Variants in CAMK1D observed in about 807,000 individuals in gnomAD.
The protein encoded by CAMK1D is calcium/calmodulin-dependent protein kinase type 1D.
Under a neutral mutation model 47.7 loss-of-function variants are expected in CAMK1D, and 9 were observed. The ratio of observed to expected loss-of-function variants is 0.19; its 90% confidence interval spans 0.11 to 0.33. CAMK1D has a LOEUF of 0.33. Ranked by LOEUF, CAMK1D falls within the 10% of genes least tolerant of loss-of-function variation. The pLI is 1.00. For synonymous variants in CAMK1D, 184 were observed against 184.9 expected (o/e 0.99, Z 0.04); for missense variants, 291 against 488.7 (o/e 0.60, Z 3.81).
At chr10:12,771,675 C>T (rs1365230144) in intron 5 of CAMK1D, among the ~76,000 whole-genome samples, 1 of 152,156 alleles carries the variant, frequency 6.6e-6, no homozygotes, top group Non-Finnish European at 1.5e-5. Context: ...CAGGGGGGCT[C>T]AATTCCCTGG....
intron 1 of CAMK1D, among the ~76,000 whole-genome samples, chr10:12,395,762 A>G (rs1838921359): frequency 6.7e-6 from 1 of 150,008 alleles, no homozygotes; most frequent in Non-Finnish European, 1.5e-5. Flanking sequence ...AGCCATCTCT[A>G]TGAAAAATAC....
chr10:12,523,430 G>T (rs1436503351), intron 1 of CAMK1D, among the ~76,000 whole-genome samples: 2 of 152,184 alleles, frequency 1.3e-5, no homozygotes, highest in Admixed American at 6.5e-5. Context: ...CCGAGATCAG[G>T]CCACTGCACT....
chr10:12,351,959 C>T (rs987063196), intron 1 of CAMK1D, among the ~76,000 whole-genome samples: 2 of 152,212 alleles, frequency 1.3e-5, no homozygotes, highest in Non-Finnish European at 2.9e-5. Context: ...TTTTACTCCA[C>T]ATAATAATCA....
intron 2 of CAMK1D, among the ~76,000 whole-genome samples, chr10:12,645,967 G>GT (rs1482993581): frequency 1.1e-4 from 15 of 135,122 alleles, no homozygotes; most frequent in South Asian, 6.0e-4. Flanking sequence ...TAAATGGCTA[G>GT]TTGTTTTTTT....
intron 1 of CAMK1D, among the ~76,000 whole-genome samples, chr10:12,481,085 G>T (rs1834050589): frequency 6.6e-6 from 1 of 152,160 alleles, no homozygotes; most frequent in African/African-American, 2.4e-5. Context: ...AGGTTAGGAG[G>T]ATGAGAGGGG....
chr10:12,719,140 C>G (rs931436487), intron 3 of CAMK1D, among the ~76,000 whole-genome samples: 1 of 152,198 alleles, frequency 6.6e-6, no homozygotes, highest in African/African-American at 2.4e-5. Context: ...GGGCACAGTG[C>G]TCACATCTGT....
At chr10:12,516,198 C>T (rs968719173) in intron 1 of CAMK1D, among the ~76,000 whole-genome samples, 3 of 152,116 alleles carry the variant, frequency 2.0e-5, no homozygotes, top group African/African-American at 7.2e-5. Flanking sequence ...CAAGCTCTGC[C>T]TCCTGGGTTC....
At chr10:12,565,607 A>G (rs754680911) in intron 2 of CAMK1D, among the ~76,000 whole-genome samples, 1 of 152,212 alleles carries the variant, frequency 6.6e-6, no homozygotes, top group Non-Finnish European at 1.5e-5. Flanking sequence ...CTTTTGCTTC[A>G]TTTAGTAAAT....
intron 3 of CAMK1D, among the ~76,000 whole-genome samples, chr10:12,694,195 T>TAA (rs1833112713): frequency 2.4e-4 from 1 of 4,246 alleles, no homozygotes; most frequent in African/African-American, 6.2e-4. Flanking sequence ...ATATAATATA[T>TAA]ATTATATATT....
At chr10:12,660,148 C>T (rs1840235091) in intron 2 of CAMK1D, among the ~76,000 whole-genome samples, 1 of 152,216 alleles carries the variant, frequency 6.6e-6, no homozygotes, top group East Asian at 1.9e-4. Flanking sequence ...TTTGCTTCCT[C>T]TGAATTACCT....
intron 1 of CAMK1D, among the ~76,000 whole-genome samples, chr10:12,438,040 T>C (rs1832684689): frequency 6.6e-6 from 1 of 152,232 alleles, no homozygotes; most frequent in Non-Finnish European, 1.5e-5. Context: ...AAAACCACTT[T>C]GCTTGCATAA....
chr10:12,587,941 AG>A (rs1837870471), intron 2 of CAMK1D, among the ~76,000 whole-genome samples: 1 of 152,080 alleles, frequency 6.6e-6, no homozygotes, highest in Non-Finnish European at 1.5e-5. Context: ...TCTTTTAAAT[AG>A]TGCCTTTCTC....
chr10:12,688,311 A>G (rs959944843), intron 3 of CAMK1D, among the ~76,000 whole-genome samples: 5 of 152,192 alleles, frequency 3.3e-5, no homozygotes, highest in Admixed American at 3.3e-4. Context: ...GAATGACTGA[A>G]TCTTAGTGTC....
At chr10:12,622,306 C>A (rs999831470) in intron 2 of CAMK1D, among the ~76,000 whole-genome samples, 11 of 152,072 alleles carry the variant, frequency 7.2e-5, no homozygotes, top group African/African-American at 1.9e-4. Context: ...GGCTGCCTTC[C>A]CCTGGTCACT....
At chr10:12,631,503 A>G (rs536502836) in intron 2 of CAMK1D, among the ~76,000 whole-genome samples, 36 of 152,212 alleles carry the variant, frequency 2.4e-4, no homozygotes, top group Non-Finnish European at 4.6e-4. Context: ...GGTAAAGTGT[A>G]AAATGTGAGA....
chr10:12,387,364 AAT>A lies in CAMK1D; in HGVS notation c.92+37463_92+37464del, dbSNP rs1220421311. 6.1e-3 allele frequency among the ~76,000 whole-genome samples: 423 copies of A among 69,666 alleles called. 6 individuals are homozygous for A. Among genetic ancestry groups the A allele is most frequent in the African/African-American group, 0.015 (389 of 25,296 alleles). The allele number at this position is 69,666 out of a possible 152,430, so 45.7% of individuals were successfully genotyped here. On this transcript the variant is annotated intron_variant, in intron 1 of 10. Transcript: ENST00000619168. ...TATATATATTATATTTTATATATATAATATATATATTATATATTATATATATT... is the reference window on the plus strand; with the variant it reads ...TATATATATTATATTTTATATATATAATATATATTATATATTATATATATT...
intron 1 of CAMK1D, among the ~76,000 whole-genome samples, chr10:12,362,249 A>C (rs1434086407): frequency 6.0e-5 from 9 of 150,318 alleles, no homozygotes; most frequent in East Asian, 2.0e-4. Context: ...CTAACTCCCT[A>C]CTCCCTCCTC....
At chr10:12,781,917 G>C (rs1411615940) in intron 5 of CAMK1D, among the ~76,000 whole-genome samples, 1 of 151,808 alleles carries the variant, frequency 6.6e-6, no homozygotes, top group Admixed American at 6.6e-5. Flanking sequence ...CAAAGTGCTG[G>C]GATTACAGGC....
At chr10:12,751,058 TA>T (rs1277467435) in intron 3 of CAMK1D, among the ~76,000 whole-genome samples, 1 of 1,366 alleles carries the variant, frequency 7.3e-4, no homozygotes, top group Non-Finnish European at 1.4e-3. Flanking sequence ...CCCAATAAGA[TA>T]AGATAAGATA....
Sources: gnomAD v4.1 joint callset for allele counts (sites outside exome capture counted in the v4.1 genomes callset) on GRCh38, gnomAD v4.1.1 for gene constraint, MANE v1.5 for transcripts, NCBI Gene and HGNC (gene_info 2026-07-23, HGNC 2026-07-21) for gene names.